Variants in POPDC2 observed in about 807,000 individuals in gnomAD.
POPDC2 encodes popeye domain-containing protein 2.
POPDC2 carries 24 observed loss-of-function variants against 30.5 expected under a neutral mutation model. The observed-to-expected ratio is 0.79, with a 90% confidence interval of 0.57 to 1.11. POPDC2 has a LOEUF of 1.11. Among genes scored for constraint, POPDC2 ranks in the 50% least tolerant of loss-of-function variants. The pLI is 0.00. For missense variants in POPDC2, 409 were observed against 447.0 expected, an observed-to-expected ratio of 0.91 and a Z score of 0.77; for synonymous variants, 185 against 183.3, an observed-to-expected ratio of 1.01 and a Z score of -0.07.
intron 3 of POPDC2, among the ~76,000 whole-genome samples, chr3:119,645,511 C>T (rs866397956): frequency 7.0e-6 from 1 of 142,670 alleles, no homozygotes; most frequent in Non-Finnish European, 1.5e-5. Context: ...TGCAGTGAGC[C>T]GAGATCGCGC....
chr3:119,646,446 C>A (rs929552116), intron 3 of POPDC2, among the ~76,000 whole-genome samples: 2 of 152,004 alleles, frequency 1.3e-5, no homozygotes, highest in African/African-American at 4.8e-5. Context: ...ACCTGGGCAA[C>A]ATGGGGAGAG....
At chr3:119,647,031 A>C (rs2052753445) in intron 3 of POPDC2, among the ~76,000 whole-genome samples, 1 of 152,240 alleles carries the variant, frequency 6.6e-6, no homozygotes, top group Non-Finnish European at 1.5e-5. Flanking sequence ...CTGGTAACAC[A>C]GGAGATTGTA....
At chr3:119,643,455 A>G in intron 3 of POPDC2, 1 of 1,508,922 alleles carries the variant, frequency 6.6e-7, no homozygotes, top group Non-Finnish European at 8.9e-7. Flanking sequence ...TATCTCTGAT[A>G]AAAGAAAGAG....
intron 2 of POPDC2, among the ~76,000 whole-genome samples, chr3:119,654,286 C>T (rs2052851415): frequency 6.6e-6 from 1 of 152,166 alleles, no homozygotes; most frequent in Admixed American, 6.5e-5. Context: ...TTTAAGCATA[C>T]AAGTAACATG....
chr3:119,646,713 G>A (rs1283025143), intron 3 of POPDC2, among the ~76,000 whole-genome samples: 1 of 152,070 alleles, frequency 6.6e-6, no homozygotes, highest in Admixed American at 6.6e-5. Context: ...GGAGAAGAAA[G>A]AAGAGAAAAA....
chr3:119,645,074 G>C (rs1293104420), intron 3 of POPDC2, among the ~76,000 whole-genome samples: 2 of 152,122 alleles, frequency 1.3e-5, no homozygotes, highest in Non-Finnish European at 2.9e-5. Flanking sequence ...TCTCTCTATT[G>C]CTTAAACAAA....
chr3:119,646,449 G>A (rs1195612922), intron 3 of POPDC2, among the ~76,000 whole-genome samples: 1 of 152,022 alleles, frequency 6.6e-6, no homozygotes, highest in Non-Finnish European at 1.5e-5. Flanking sequence ...TGGGCAACAT[G>A]GGGAGAGTTT....
At chr3:119,654,402 G>A in intron 2 of POPDC2, 103 bp downstream of exon 2, 1 of 783,934 alleles carries the variant, frequency 1.3e-6, no homozygotes, top group Non-Finnish European at 2.2e-6. Context: ...CACACTGGCA[G>A]GGGTGCGAAG....
At chr3:119,659,760 G>A (rs1466613330) in intron 1 of POPDC2, among the ~76,000 whole-genome samples, 173 bp downstream of exon 1, 1 of 152,152 alleles carries the variant, frequency 6.6e-6, no homozygotes, top group Non-Finnish European at 1.5e-5. Context: ...CAAGAAAGAG[G>A]AAGCAACCCC....
intron 2 of POPDC2, among the ~76,000 whole-genome samples, chr3:119,653,374 G>A (rs867272413): frequency 2.0e-5 from 3 of 152,198 alleles, no homozygotes; most frequent in African/African-American, 7.2e-5. Flanking sequence ...GAGATAAGAA[G>A]AGTAGGGGCC....
rs543139080 is a variant in POPDC2 at position 119,659,866 on chromosome 3, G to GACAC, written c.491+63_491+66dup. On this transcript the variant is annotated intron_variant, in intron 1 of 3. Coordinates refer to ENST00000493094, the MANE Select transcript of POPDC2 (RefSeq NM_001369919.2). Reference sequence around the variant, plus strand: ...TGGAAAGGGACATGAAATGGAAAGGGACACACTAGGAAATGAGAAGTGTGG... The same window carrying GACAC: ...TGGAAAGGGACATGAAATGGAAAGGGACACACACACTAGGAAATGAGAAGTGTGG... 283 of 1,496,664 alleles carry GACAC rather than the reference G, an allele frequency of 1.9e-4. 3 individuals are homozygous for GACAC. The South Asian group carries it at 3.5e-3, about 18-fold the overall frequency. 92.7% of individuals were successfully genotyped at this position (1,496,664 alleles called of 1,614,324 possible). A position where few individuals can be genotyped will look rare whatever the true frequency, so the allele number is the denominator to read the frequency against.
chr3:119,645,276 C>A (rs2052732444), intron 3 of POPDC2, among the ~76,000 whole-genome samples: 1 of 152,186 alleles, frequency 6.6e-6, no homozygotes, highest in Non-Finnish European at 1.5e-5. Flanking sequence ...AATATCCGCA[C>A]TGTAGGCCGG....
intron 2 of POPDC2, among the ~76,000 whole-genome samples, chr3:119,652,990 A>G (rs1343642352): frequency 6.6e-6 from 1 of 151,964 alleles, no homozygotes; most frequent in African/African-American, 2.4e-5. Flanking sequence ...AGGTCCAGCA[A>G]ACTATCCAGG....
chr3:119,660,033 G>A lies in POPDC2; in HGVS notation c.391C>T (p.His131Tyr). The change falls in exon 1 of 4, where the codon CAC becomes TAC. Residue 131 changes from histidine to tyrosine, a missense_variant. Physicochemically the swap from His to Tyr is moderately conservative, Grantham distance 83. Coordinates refer to ENST00000493094, the MANE Select transcript of POPDC2 (RefSeq NM_001369919.2). ...VPLQTYKEIV[H>Y]CCEEQVLTLA... ...GTTAAGACCTGCTCCTCGCAGCAGT[G>A]AACAATCTCCTTGTATGTCTGTAGG... 1 of 1,614,210 alleles carries A rather than the reference G, an allele frequency of 6.2e-7. No individual in the cohort carries two copies. The highest frequency in any genetic ancestry group is 8.5e-7 in the Non-Finnish European group (1 of 1,180,030).
At chr3:119,645,843 A>T (rs1560095819) in intron 3 of POPDC2, among the ~76,000 whole-genome samples, 1 of 152,156 alleles carries the variant, frequency 6.6e-6, no homozygotes, top group Non-Finnish European at 1.5e-5. Context: ...CCTTTGAAAA[A>T]CTTATCCTTG....
chr3:119,644,191 A>G (rs988584837), intron 3 of POPDC2, among the ~76,000 whole-genome samples: 8 of 152,188 alleles, frequency 5.3e-5, no homozygotes, highest in Admixed American at 6.5e-5. Context: ...TGCTTATTTA[A>G]ATAATAGGGA....
intron 2 of POPDC2, among the ~76,000 whole-genome samples, chr3:119,649,826 C>T (rs923396587): frequency 6.6e-6 from 1 of 152,110 alleles, no homozygotes; most frequent in Non-Finnish European, 1.5e-5. Flanking sequence ...TCTCTTCTTT[C>T]CTTTCTGCTA....
intron 3 of POPDC2, chr3:119,643,251 A>G: frequency 1.5e-6 from 1 of 683,534 alleles, no homozygotes; most frequent in Non-Finnish European, 2.6e-6. Flanking sequence ...TGACAGTGTG[A>G]CTCTAATCTG....
rs1369088875 is a variant in POPDC2 at position 119,642,356 on chromosome 3, C to T, written c.*249G>A. On this transcript the variant is annotated 3_prime_UTR_variant, in exon 4 of 4. Transcript: ENST00000493094. The stretch of plus-strand genomic sequence containing the variant: ...GCGACAGTGTTGGCACCTTCTGTGT[C>T]CTCTCTCACCTTGCCTGTGAGCCTT... The T allele has an allele frequency of 1.4e-6, 1 of 702,246 alleles. No homozygotes were observed. Among genetic ancestry groups the T allele is most frequent in the Admixed American group, 2.3e-5 (1 of 43,170 alleles). The allele number at this position is 702,246 out of a possible 1,614,324, so 43.5% of individuals were successfully genotyped here. A position where few individuals can be genotyped will look rare whatever the true frequency, so the allele number is the denominator to read the frequency against.
Sources: gnomAD v4.1 joint callset for allele counts (sites outside exome capture counted in the v4.1 genomes callset) on GRCh38, gnomAD v4.1.1 for gene constraint, MANE v1.5 for transcripts, NCBI Gene and HGNC (gene_info 2026-07-23, HGNC 2026-07-21) for gene names.